NELL1: variants seen among roughly 807,000 people sequenced by gnomAD.
NELL1 encodes the protein protein kinase C-binding protein NELL1.
NELL1 carries 76 observed loss-of-function variants against 107.4 expected under a neutral mutation model. That is an observed-to-expected ratio of 0.71 (90% CI 0.59 to 0.86). NELL1 has a LOEUF of 0.86. Ranked by LOEUF, NELL1 falls within the 40% of genes least tolerant of loss-of-function variation. The pLI, the probability that NELL1 is intolerant of heterozygous loss-of-function variation, is 0.00. For synonymous variants in NELL1, 353 were observed against 341.2 expected (o/e 1.03, Z -0.38); for missense variants, 1,024 against 1,005.5 (o/e 1.02, Z -0.25).
At chr11:20,821,346 T>C (rs535701764) in intron 3 of NELL1, among the ~76,000 whole-genome samples, 1 of 152,304 alleles carries the variant, frequency 6.6e-6, no homozygotes, top group African/African-American at 2.4e-5. Context: ...CAGCTTGCTC[T>C]CAGGCTCCTA....
intron 12 of NELL1, among the ~76,000 whole-genome samples, chr11:21,048,682 T>A (rs1853414949): frequency 6.6e-6 from 1 of 152,170 alleles, no homozygotes; most frequent in Non-Finnish European, 1.5e-5. Flanking sequence ...GCCATAAGCA[T>A]GCTTAGCACT....
intron 13 of NELL1, among the ~76,000 whole-genome samples, chr11:21,123,329 G>A (rs925529482): frequency 8.1e-6 from 1 of 124,112 alleles, no homozygotes; most frequent in Non-Finnish European, 1.7e-5. Context: ...AGATGTGTGT[G>A]CCTGCGTGTG....
intron 14 of NELL1, among the ~76,000 whole-genome samples, chr11:21,304,879 G>A (rs371250592): frequency 1.3e-5 from 2 of 152,018 alleles, no homozygotes; most frequent in African/African-American, 4.8e-5. Context: ...GAAGATGGGA[G>A]TGGGAGGAGA....
intron 15 of NELL1, among the ~76,000 whole-genome samples, chr11:21,397,779 C>T (rs1852013638): frequency 6.6e-6 from 1 of 151,544 alleles, no homozygotes; most frequent in Admixed American, 6.6e-5. Context: ...GTGAATAGGT[C>T]ACTTTTGGAT....
At chr11:20,930,233 C>T (rs1022754202) in intron 9 of NELL1, among the ~76,000 whole-genome samples, 1 of 152,106 alleles carries the variant, frequency 6.6e-6, no homozygotes, top group Non-Finnish European at 1.5e-5. Context: ...AAAGTTCACC[C>T]ATAATAGCTC....
intron 14 of NELL1, among the ~76,000 whole-genome samples, chr11:21,360,355 C>T (rs964453715): frequency 1.1e-4 from 17 of 152,030 alleles, no homozygotes; most frequent in African/African-American, 4.1e-4. Flanking sequence ...TGAGAGGATA[C>T]TTGATATAAT....
At chr11:21,188,926 G>A (rs935693827) in intron 13 of NELL1, among the ~76,000 whole-genome samples, 2 of 151,862 alleles carry the variant, frequency 1.3e-5, no homozygotes, top group South Asian at 4.2e-4. Flanking sequence ...ATCTTAACAT[G>A]TTGTCATATA....
intron 2 of NELL1, among the ~76,000 whole-genome samples, chr11:20,763,613 A>T (rs1856468896): frequency 6.6e-6 from 1 of 152,224 alleles, no homozygotes; most frequent in African/African-American, 2.4e-5. Flanking sequence ...TCATATCATG[A>T]CACATAAGGA....
At chr11:20,694,584 G>C (rs542473188) in intron 2 of NELL1, among the ~76,000 whole-genome samples, 16 of 152,028 alleles carry the variant, frequency 1.1e-4, no homozygotes, top group Non-Finnish European at 1.5e-4. Context: ...TAGGCGTGTG[G>C]TTTTATTTCT....
At chr11:20,770,411 G>C (rs1448712095) in intron 2 of NELL1, among the ~76,000 whole-genome samples, 33 of 152,228 alleles carry the variant, frequency 2.2e-4, no homozygotes, top group Admixed American at 2.2e-3. Context: ...TTTCTGGACA[G>C]ATGCACACAT....
At chr11:20,743,869 G>A (rs186071944) in intron 2 of NELL1, among the ~76,000 whole-genome samples, 68 of 152,242 alleles carry the variant, frequency 4.5e-4, no homozygotes, top group Admixed American at 2.9e-3. Flanking sequence ...AACATGGTAT[G>A]CCAAAACTAT....
intron 14 of NELL1, among the ~76,000 whole-genome samples, chr11:21,361,519 G>A (rs542350001): frequency 1.3e-5 from 2 of 151,918 alleles, no homozygotes; most frequent in Admixed American, 1.3e-4. Flanking sequence ...TATCACATTT[G>A]GATGTCTAGA....
At chr11:20,836,586 A>G (rs1295427133) in intron 3 of NELL1, among the ~76,000 whole-genome samples, 3 of 151,394 alleles carry the variant, frequency 2.0e-5, no homozygotes, top group African/African-American at 7.3e-5. Context: ...AAAAAAAACA[A>G]CGCATGATTA....
At chr11:21,138,462 A>G (rs1039600239) in intron 13 of NELL1, among the ~76,000 whole-genome samples, 2 of 152,210 alleles carry the variant, frequency 1.3e-5, no homozygotes, top group African/African-American at 2.4e-5. Flanking sequence ...ACAAGAAAAT[A>G]AAAAGTGAAC....
intron 13 of NELL1, among the ~76,000 whole-genome samples, chr11:21,189,302 G>C (rs768120722): frequency 6.6e-6 from 1 of 151,746 alleles, no homozygotes; most frequent in Non-Finnish European, 1.5e-5. Context: ...AATTTGCCTT[G>C]ATATTGTCAA....
chr11:21,106,569 TA>T (rs940997356), intron 12 of NELL1, among the ~76,000 whole-genome samples: 2 of 152,096 alleles, frequency 1.3e-5, no homozygotes, highest in Non-Finnish European at 2.9e-5. Flanking sequence ...TTTTCTCTTA[TA>T]AAAGAGATCC....
intron 14 of NELL1, among the ~76,000 whole-genome samples, chr11:21,360,376 A>T (rs1319874626): frequency 1.3e-5 from 2 of 152,110 alleles, no homozygotes; most frequent in Non-Finnish European, 2.9e-5. Context: ...TTCAATTTTT[A>T]AAAATGTATT....
At chr11:21,483,861 A>T (rs1267570960) in intron 15 of NELL1, among the ~76,000 whole-genome samples, 1 of 92,538 alleles carries the variant, frequency 1.1e-5, no homozygotes, top group African/African-American at 3.4e-5. Context: ...ATATATATAC[A>T]TATACAAACA....
At chr11:21,068,078 A>G (rs1853922827) in intron 12 of NELL1, among the ~76,000 whole-genome samples, 1 of 145,618 alleles carries the variant, frequency 6.9e-6, no homozygotes, top group Non-Finnish European at 1.5e-5. Flanking sequence ...TTCTAGAACT[A>G]TATTCTTTAA....
Sources: gnomAD v4.1 joint callset for allele counts (sites outside exome capture counted in the v4.1 genomes callset) on GRCh38, gnomAD v4.1.1 for gene constraint, MANE v1.5 for transcripts, NCBI Gene and HGNC (gene_info 2026-07-23, HGNC 2026-07-21) for gene names.